The following WDSUB1 variants were observed in gnomAD, a reference collection of about 807,000 sequenced individuals.
The protein encoded by WDSUB1 is WD repeat, sterile alpha motif and U-box domain containing 1, also known as WD repeat, SAM and U-box domain-containing protein 1.
WDSUB1 carries 49 observed loss-of-function variants against 53.9 expected under a neutral mutation model. The ratio of observed to expected loss-of-function variants is 0.91; its 90% CI spans 0.72 to 1.15. WDSUB1 has a LOEUF of 1.15. WDSUB1 is among the 50% of genes most tolerant of loss of function. The pLI is 0.00. For synonymous variants in WDSUB1, 194 were observed against 200.6 expected, an observed-to-expected ratio of 0.97 and a Z score of 0.28; for missense variants, 514 against 562.0, an observed-to-expected ratio of 0.91 and a Z score of 0.86.
chr2:159,251,536 G>A (rs533247835), intron 9 of WDSUB1, among the ~76,000 whole-genome samples: 16 of 152,088 alleles, frequency 1.1e-4, no homozygotes, highest in South Asian at 2.1e-4. Flanking sequence ...GAGCTCTACC[G>A]GAACCAAACA....
In WDSUB1 at chr2:159,282,927, G is replaced by GTTGTTTC. The variant is rs1388315726; in HGVS notation, c.142_143insGAAACAA (p.Ser48Ter). ...AGCATAGGTATGAAACTTCAATGGA[G>GTTGTTTC]AATGTGGCAGTTCAGTAAAGTCACG... On this transcript the variant is annotated stop_gained and frameshift_variant, in exon 2 of 11. Coordinates refer to ENST00000359774, the MANE Select transcript of WDSUB1 (RefSeq NM_001128212.3). LOFTEE classifies it high-confidence loss of function. 2.5e-6 allele frequency: 4 copies of GTTGTTTC among 1,614,098 alleles called. No individual in the cohort carries two copies. The East Asian group carries it at 8.9e-5, about 36-fold the overall frequency.
At chr2:159,271,324 T>C (rs531917109) in intron 5 of WDSUB1, among the ~76,000 whole-genome samples, 1 of 152,196 alleles carries the variant, frequency 6.6e-6, no homozygotes, top group Non-Finnish European at 1.5e-5. Context: ...AAATGAACTA[T>C]TATATATATT....
chr2:159,241,888 A>T (rs1372190889), intron 10 of WDSUB1, among the ~76,000 whole-genome samples: 1 of 143,470 alleles, frequency 7.0e-6, no homozygotes, highest in Non-Finnish European at 1.5e-5. Flanking sequence ...TGGCAAAAAA[A>T]TGGAGAAAGA....
intron 5 of WDSUB1, among the ~76,000 whole-genome samples, 188 bp downstream of exon 5, chr2:159,271,514 A>T (rs1210527828): frequency 2.6e-5 from 4 of 151,588 alleles, no homozygotes; most frequent in African/African-American, 9.8e-5. Flanking sequence ...AGTGCATATG[A>T]TCTAACATGT....
At chr2:159,257,190 TG>T (rs2061082590) in intron 8 of WDSUB1, among the ~76,000 whole-genome samples, 1 of 151,980 alleles carries the variant, frequency 6.6e-6, no homozygotes, top group African/African-American at 2.4e-5. Flanking sequence ...TTTGTAGAGA[TG>T]GGGTTTCACC....
At chr2:159,273,012 T>C (rs2061473146) in intron 4 of WDSUB1, among the ~76,000 whole-genome samples, 1 of 152,074 alleles carries the variant, frequency 6.6e-6, no homozygotes, top group Non-Finnish European at 1.5e-5. Flanking sequence ...TCAGACACAA[T>C]AAAACCTTTT....
At chr2:159,256,817 A>T (rs756687705) in intron 8 of WDSUB1, among the ~76,000 whole-genome samples, 1 of 152,170 alleles carries the variant, frequency 6.6e-6, no homozygotes, top group Non-Finnish European at 1.5e-5. Flanking sequence ...CCAAAATAAA[A>T]CCAACAAAAT....
At chr2:159,260,304 CAA>C (rs112078724) in intron 5 of WDSUB1, among the ~76,000 whole-genome samples, 1 of 149,856 alleles carries the variant, frequency 6.7e-6, no homozygotes, top group East Asian at 2.0e-4. Context: ...GACTCTATCT[CAA>C]AAAAAACAAC....
intron 10 of WDSUB1, among the ~76,000 whole-genome samples, chr2:159,245,904 T>C (rs1356460804): frequency 2.0e-5 from 3 of 151,154 alleles, no homozygotes; most frequent in Non-Finnish European, 4.4e-5. Flanking sequence ...GTTGTCTCTA[T>C]AAGAGACATC....
intron 10 of WDSUB1, among the ~76,000 whole-genome samples, chr2:159,244,230 T>C (rs370722996): frequency 6.6e-6 from 1 of 151,310 alleles, no homozygotes. Context: ...CAAAATAACA[T>C]GAAAAGAAAA....
chr2:159,236,181 G>C lies in WDSUB1; in HGVS notation c.1283C>G (p.Ser428Ter), dbSNP rs142209888. ...ATTTTCCATTGCTTCCTTTTCATAT[G>C]AATAGCCATCTAAAAAAAAAAAATC... ...KDPVIASDGY[S>*]YEKEAMENWI... Residue 428 changes from serine (S) to a stop codon, truncating the protein, a stop_gained, in exon 11 of 11, where the codon TCA becomes TGA. Coordinates refer to ENST00000359774, the MANE Select transcript of WDSUB1 (RefSeq NM_001128212.3). LOFTEE classifies it high-confidence loss of function. The C allele has an allele frequency of 6.3e-7, 1 of 1,597,628 alleles. No homozygotes were observed. Among genetic ancestry groups the C allele is most frequent in the South Asian group, 1.2e-5 (1 of 86,764 alleles).
Position 159,256,302 on chromosome 2 carries a change from A to G in WDSUB1, c.1026T>C (p.Cys342=). The change falls in exon 9 of 11, where the codon TGT becomes TGC. Residue 342 remains cysteine, a synonymous_variant. Coordinates refer to ENST00000359774, the MANE Select transcript of WDSUB1 (RefSeq NM_001128212.3). ...CAACAAGATCTTTTAAATCTTGTGC[A>G]CAAAGCCATGTTGAGACATCCTCCT... ...WSEEDVSTWL[C]AQDLKDLVGI... The G allele has an allele frequency of 6.2e-7, 1 of 1,612,796 alleles. No individual in the cohort carries two copies. The highest frequency in any genetic ancestry group is 1.1e-5 in the South Asian group (1 of 90,658).
At chr2:159,267,220 C>G (rs1202362004) in intron 5 of WDSUB1, among the ~76,000 whole-genome samples, 6 of 152,172 alleles carry the variant, frequency 3.9e-5, no homozygotes, top group Non-Finnish European at 8.8e-5. Context: ...CCCATATCTG[C>G]ATAGAAATTC....
intron 5 of WDSUB1, among the ~76,000 whole-genome samples, chr2:159,270,696 T>C (rs111694706): frequency 1.8e-4 from 28 of 152,276 alleles, no homozygotes; most frequent in African/African-American, 6.0e-4. Flanking sequence ...GGCAAAACAA[T>C]GAAGGTCTTA....
At position 159,258,085 on chromosome 2, in the gene WDSUB1, A is replaced by G. The variant is rs2061108874; in HGVS notation, c.805-100T>C. The G allele has an allele frequency of 4.2e-6, 4 of 959,258 alleles. No homozygotes were observed. The East Asian group carries it at 9.9e-5, about 24-fold the overall frequency. The allele number at this position is 959,258 out of a possible 1,614,324, so 59.4% of individuals were successfully genotyped here. On this transcript the variant is annotated intron_variant, in intron 6 of 10. Transcript: ENST00000359774. ...AATGGGTTGTATACTAAGTGGATAT[A>G]TTAATATTTATTAGTAACTAACATA...
At chr2:159,250,604 C>T (rs2060929351) in intron 9 of WDSUB1, among the ~76,000 whole-genome samples, 1 of 152,150 alleles carries the variant, frequency 6.6e-6, no homozygotes, top group Non-Finnish European at 1.5e-5. Flanking sequence ...GTCCCATTCA[C>T]AATGCTGTGT....
At chr2:159,275,006 A>G (rs769569682) in intron 4 of WDSUB1, among the ~76,000 whole-genome samples, 23 of 152,206 alleles carry the variant, frequency 1.5e-4, no homozygotes, top group Non-Finnish European at 2.4e-4. Context: ...CCCCTAAAGT[A>G]CAAGAAAAGA....
intron 2 of WDSUB1, 113 bp downstream of exon 2, chr2:159,282,559 C>A: frequency 7.7e-7 from 1 of 1,293,562 alleles, no homozygotes; most frequent in Admixed American, 2.3e-5. Flanking sequence ...AAATATTTTT[C>A]TTTTTTTCTA....
intron 6 of WDSUB1, among the ~76,000 whole-genome samples, chr2:159,258,442 T>C (rs1322480839): frequency 6.6e-6 from 1 of 152,198 alleles, no homozygotes; most frequent in Non-Finnish European, 1.5e-5. Context: ...GTGGATCACT[T>C]GAGCTCAGGA....
Sources: allele counts gnomAD v4.1 joint callset (sites outside exome capture counted in the v4.1 genomes callset), GRCh38; gene constraint gnomAD v4.1.1; transcripts MANE v1.5; gene names NCBI Gene and HGNC (gene_info 2026-07-23, HGNC 2026-07-21).